SLC6A4: variants seen among roughly 807,000 people sequenced by gnomAD.
The protein encoded by SLC6A4 is sodium-dependent serotonin transporter.
A neutral mutation model predicts 73.4 loss-of-function variants in SLC6A4; 22 were observed. The ratio of observed to expected loss-of-function variants is 0.30; its 90% CI spans 0.21 to 0.43. The LOEUF is 0.43. Ranked by LOEUF, SLC6A4 falls within the 20% of genes least tolerant of loss-of-function variation. The pLI is 1.00. For missense variants in SLC6A4, 593 were observed against 808.5 expected (o/e 0.73, Z 3.23); for synonymous variants, 270 against 315.5 (o/e 0.86, Z 1.53).
At chr17:30,219,404 A>G (rs992110094) in intron 3 of SLC6A4, among the ~76,000 whole-genome samples, 1 of 152,194 alleles carries the variant, frequency 6.6e-6, no homozygotes, top group African/African-American at 2.4e-5. Flanking sequence ...ATTGTGTTCA[A>G]GCTCCCTAGG....
At chr17:30,203,976 G>A (rs1159425251) in intron 13 of SLC6A4, among the ~76,000 whole-genome samples, 1 of 152,204 alleles carries the variant, frequency 6.6e-6, no homozygotes, top group Non-Finnish European at 1.5e-5. Context: ...CAACAAGGAT[G>A]GCTCTGCCAC....
chr17:30,198,203 A>G lies in SLC6A4; in HGVS notation c.*253T>C. 1 of 397,656 alleles carries G rather than the reference A, an allele frequency of 2.5e-6. No individual in the cohort carries two copies. The highest frequency in any genetic ancestry group is 4.5e-6 in the Non-Finnish European group (1 of 224,298). The allele number at this position is 397,656 out of a possible 1,614,324, so 24.6% of individuals were successfully genotyped here. On this transcript the variant is annotated 3_prime_UTR_variant, in exon 15 of 15. Transcript: ENST00000650711. ...AGGGTGGTTTTCATCACCTCCATCC[A>G]CATCCTCACACGTCCAAAATAGGCC...
At chr17:30,215,472 G>C (rs1906542966) in intron 8 of SLC6A4, 139 bp downstream of exon 8, 1 of 709,244 alleles carries the variant, frequency 1.4e-6, no homozygotes, top group African/African-American at 1.7e-5. Flanking sequence ...TCAGGGGCCT[G>C]CAGCACCCCT....
At position 30,221,674 on chromosome 17, in the gene SLC6A4, A is replaced by G; in HGVS notation, c.285T>C (p.Tyr95=). The G allele has an allele frequency of 6.2e-7, 1 of 1,614,166 alleles. No homozygotes were observed. The highest frequency in any genetic ancestry group is 8.5e-7 in the Non-Finnish European group (1 of 1,180,018). ...KVDFLLSVIG[Y]AVDLGNVWRF... is the part of the protein sequence containing the mutation. Reference sequence around the variant, plus strand: ...GCCAGACATTGCCCAGGTCCACAGCATAGCCAATCACTGAGAGAAGGAAAT... The same window carrying G: ...GCCAGACATTGCCCAGGTCCACAGCGTAGCCAATCACTGAGAGAAGGAAAT... The change falls in exon 3 of 15, where the codon TAT becomes TAC. Residue 95 remains tyrosine (Y), a synonymous_variant. Coordinates refer to ENST00000650711, the MANE Select transcript of SLC6A4 (RefSeq NM_001045.6).
chr17:30,217,660 G>A (rs1264027506), intron 5 of SLC6A4, among the ~76,000 whole-genome samples: 1 of 152,148 alleles, frequency 6.6e-6, no homozygotes, highest in Non-Finnish European at 1.5e-5. Flanking sequence ...TCTCTCTTTG[G>A]GCTGCCATTG....
rs201654688 is a variant in SLC6A4 at position 30,211,275 on chromosome 17, T to C, written c.1317+37A>G. 18 of 1,345,020 alleles carry C rather than the reference T, an allele frequency of 1.3e-5. No homozygotes were observed. Among genetic ancestry groups the C allele is most frequent in the Non-Finnish European group, 1.9e-5 (18 of 938,674 alleles). The allele number at this position is 1,345,020 out of a possible 1,614,324, so 83.3% of individuals were successfully genotyped here. A position where few individuals can be genotyped will look rare whatever the true frequency, so the allele number is the denominator to read the frequency against. On this transcript the variant is annotated intron_variant, in intron 10 of 14. Coordinates refer to ENST00000650711, the MANE Select transcript of SLC6A4 (RefSeq NM_001045.6). This position sits in a 1 kb window ranked among gnomAD's most constrained non-coding sequence, Gnocchi z 4.0. Reference sequence around the variant, plus strand: ...CTGAGTCCTCCTCCTTTCCTCTTCATCCTCCCACAGCCCATTTCCCCTTCC... The same window carrying C: ...CTGAGTCCTCCTCCTTTCCTCTTCACCCTCCCACAGCCCATTTCCCCTTCC...
At position 30,214,925 on chromosome 17, in the gene SLC6A4, A is replaced by T. The variant is rs141271064; in HGVS notation, c.1076+686T>A. On this transcript the variant is annotated intron_variant, in intron 8 of 14. Coordinates refer to ENST00000650711, the MANE Select transcript of SLC6A4 (RefSeq NM_001045.6). ...TGAGATTACAGGTGGGAGCCACCGC[A>T]CCCCGTCTCTCTCTTTCTTTCTTTC... Among the ~76,000 whole-genome samples the T allele has an allele frequency of 1.6e-3, 237 of 147,194 alleles. 1 individual carries two copies. The highest frequency in any genetic ancestry group is 5.8e-3 in the African/African-American group (231 of 39,790).
intron 11 of SLC6A4, 72 bp from the exon 12 acceptor site, chr17:30,209,314 G>C: frequency 1.1e-6 from 1 of 915,990 alleles, no homozygotes; most frequent in Non-Finnish European, 1.8e-6. Flanking sequence ...AGACCTGCAG[G>C]GGCTTCCTCA....
chr17:30,210,541 A>G lies in SLC6A4; in HGVS notation c.1423T>C (p.Phe475Leu). 1 of 1,613,780 alleles carries G rather than the reference A, an allele frequency of 6.2e-7. No individual in the cohort carries two copies. Among genetic ancestry groups the G allele is most frequent in the South Asian group, 1.1e-5 (1 of 90,994 alleles). ...AAAGTCAGGGTGACCAGGGATCCAA[A>G]GAAGCAGGTGATGACCACGGCGAGC... ...FVLAVVITCF[F>L]GSLVTLTFGG... Residue 475 changes from phenylalanine (F) to leucine (L), a missense_variant, in exon 11 of 15, where the codon TTT becomes CTT. Coordinates refer to ENST00000650711, the MANE Select transcript of SLC6A4 (RefSeq NM_001045.6).
chr17:30,231,400 A>G (rs886626513), intron 1 of SLC6A4, among the ~76,000 whole-genome samples: 1 of 151,522 alleles, frequency 6.6e-6, no homozygotes, highest in Admixed American at 6.6e-5. Flanking sequence ...ATACAGACAC[A>G]TATATACACT....
At chr17:30,224,298 A>G (rs1171564319) in intron 1 of SLC6A4, among the ~76,000 whole-genome samples, 5 of 151,502 alleles carry the variant, frequency 3.3e-5, no homozygotes, top group Non-Finnish European at 7.4e-5. Context: ...GGCTCACTGC[A>G]ACCTCTGCCT....
chr17:30,212,866 C>G lies in SLC6A4; in HGVS notation c.1078G>C (p.Asp360His). The change falls in exon 9 of 15, where the codon GAT (aspartate) becomes CAT (histidine). Residue 360 changes from aspartate to histidine, a missense_variant and splice_region_variant. Coordinates refer to ENST00000650711, the MANE Select transcript of SLC6A4 (RefSeq NM_001045.6). Reference sequence around the variant, plus strand: ...TTCACCACGCTGGTCACCAGGGCATCTCTGGAGGGGAAAACCCAAGGGGCC... The same window carrying G: ...TTCACCACGCTGGTCACCAGGGCATGTCTGGAGGGGAAAACCCAAGGGGCC... The part of the protein sequence containing the change: ...YNKFNNNCYQ[D>H]ALVTSVVNCM... 6.2e-7 allele frequency: 1 copy of G among 1,614,100 alleles called. No homozygotes were observed. Among genetic ancestry groups the G allele is most frequent in the Non-Finnish European group, 8.5e-7 (1 of 1,180,004 alleles).
chr17:30,217,194 A>G lies in SLC6A4; in HGVS notation c.809T>C (p.Ile270Thr), dbSNP rs74330808. 31 of 1,614,070 alleles carry G rather than the reference A, an allele frequency of 1.9e-5. No homozygotes were observed. Among genetic ancestry groups the G allele is most frequent in the Non-Finnish European group, 2.5e-5 (29 of 1,179,972 alleles). ...GCCAGAGGTCTTGACGCCTTTCCAGATGCTGAAGTAGATAACAGTGAAGAT... is the reference window on the plus strand; with the variant it reads ...GCCAGAGGTCTTGACGCCTTTCCAGGTGCTGAAGTAGATAACAGTGAAGAT... Reference protein sequence around the residue: ...MLIFTVIYFSIWKGVKTSGKV... With the variant: ...MLIFTVIYFSTWKGVKTSGKV... The change falls in exon 6 of 15, where the codon ATC (isoleucine) becomes ACC (threonine). Residue 270 changes from isoleucine to threonine, a missense_variant. Physicochemically the swap from Ile to Thr is moderately conservative, Grantham distance 89. Coordinates refer to ENST00000650711, the MANE Select transcript of SLC6A4 (RefSeq NM_001045.6).
chr17:30,208,166 T>C (rs1001507569), intron 12 of SLC6A4, among the ~76,000 whole-genome samples: 1 of 152,086 alleles, frequency 6.6e-6, no homozygotes, highest in African/African-American at 2.4e-5. Flanking sequence ...TGGATGGGCA[T>C]CTGGGAAGAG....
chr17:30,205,627 A>G (rs928168147), intron 13 of SLC6A4, among the ~76,000 whole-genome samples: 1 of 152,212 alleles, frequency 6.6e-6, no homozygotes, highest in African/African-American at 2.4e-5. Flanking sequence ...TCCGAGGCCA[A>G]CATCTCAGGA....
Position 30,228,644 on chromosome 17 carries a change from C to A in SLC6A4, c.-220-5729G>T, listed in dbSNP as rs146516399. 1.8e-3 allele frequency among the ~76,000 whole-genome samples: 278 copies of A among 152,304 alleles called. 1 individual carries two copies. Among genetic ancestry groups the A allele is most frequent in the Non-Finnish European group, 2.2e-3 (152 of 68,012 alleles). On this transcript the variant is annotated intron_variant, in intron 1 of 14. Transcript: ENST00000650711. Reference sequence around the variant, plus strand: ...ACAAATACCGCAGGTTATTCAGGGGCCAGTAGGCACCAACAGTGCCGTGTG... The same window carrying A: ...ACAAATACCGCAGGTTATTCAGGGGACAGTAGGCACCAACAGTGCCGTGTG...
rs986511435 is a variant in SLC6A4, at chr17:30,194,900, T to G, written c.*3556A>C. The G allele has an allele frequency of 4.6e-5, 7 of 152,226 alleles. No homozygotes were observed. The highest frequency in any genetic ancestry group is 1.4e-4 in the African/African-American group (6 of 41,450). The allele number at this position is 152,226 out of a possible 1,614,324, so 9.4% of individuals were successfully genotyped here. ...TCTTAGTTCAGTAGACATTCAAACT[T>G]ATTCTGACGAGGTCCTTCACCAATG... On this transcript the variant is annotated 3_prime_UTR_variant, in exon 15 of 15. Transcript: ENST00000650711.
At chr17:30,234,214 G>T (rs1281356898) in intron 1 of SLC6A4, among the ~76,000 whole-genome samples, 1 of 151,816 alleles carries the variant, frequency 6.6e-6, no homozygotes, top group Non-Finnish European at 1.5e-5. Context: ...TCTTAAACAA[G>T]GAGATTGAAA....
At chr17:30,213,315 T>C (rs1906448288) in intron 8 of SLC6A4, among the ~76,000 whole-genome samples, 1 of 150,348 alleles carries the variant, frequency 6.7e-6, no homozygotes, top group Non-Finnish European at 1.5e-5. Context: ...TTTTTTTTTT[T>C]TTTTTGAGAC....
Sources: allele counts gnomAD v4.1 joint callset (sites outside exome capture counted in the v4.1 genomes callset), GRCh38; gene constraint gnomAD v4.1.1; non-coding constraint Gnocchi (gnomAD v3.1); transcripts MANE v1.5; gene names NCBI Gene and HGNC (gene_info 2026-07-23, HGNC 2026-07-21).